The following PIK3C2G variants were observed in gnomAD, a reference collection of about 807,000 sequenced individuals.
The protein encoded by PIK3C2G is phosphatidylinositol-4-phosphate 3-kinase catalytic subunit type 2 gamma.
PIK3C2G carries 168 observed loss-of-function variants against 181.1 expected under a neutral mutation model. The observed-to-expected ratio is 0.93, with a 90% CI of 0.82 to 1.05. PIK3C2G has a LOEUF of 1.05. PIK3C2G is among the 50% of genes least tolerant of loss of function. The pLI is 0.00. For synonymous variants in PIK3C2G, 573 were observed against 592.2 expected, an observed-to-expected ratio of 0.97 and a Z score of 0.47; for missense variants, 1,869 against 1,732.8, an observed-to-expected ratio of 1.08 and a Z score of -1.40.
rs566851225 is a variant in PIK3C2G, at chr12:18,281,400, A to C, written c.-78-604A>C. The stretch of plus-strand genomic sequence containing the variant: ...TGGTGAACGGTATCAAATCCTGTGA[A>C]GAGATAAATTCAAAAAGGATGGAAA... On this transcript the variant is annotated intron_variant, in intron 1 of 32. Coordinates refer to ENST00000538779, the MANE Select transcript of PIK3C2G (RefSeq NM_001288772.2). 2.0e-5 allele frequency among the ~76,000 whole-genome samples: 3 copies of C among 151,992 alleles called. No homozygotes were observed. In the South Asian group the frequency reaches 6.2e-4, roughly 31 times the overall value.
chr12:18,253,778 T>G, intron 1 of PIK3C2G, among the ~76,000 whole-genome samples: 1 of 152,176 alleles, frequency 6.6e-6, no homozygotes, highest in South Asian at 2.1e-4. Context: ...TATATTCTAA[T>G]TATCTGGCCA....
chr12:18,372,088 T>C (rs1302696442), intron 13 of PIK3C2G, among the ~76,000 whole-genome samples: 2 of 152,176 alleles, frequency 1.3e-5, no homozygotes, highest in Admixed American at 1.3e-4. Context: ...TTTTAATTTA[T>C]TAATTTTTAT....
At chr12:18,624,508 G>A (rs532984841) in intron 31 of PIK3C2G, among the ~76,000 whole-genome samples, 50 of 151,528 alleles carry the variant, frequency 3.3e-4, no homozygotes, top group African/African-American at 1.2e-3. Flanking sequence ...CTTTTCTTGT[G>A]ATTTTCTTCT....
intron 1 of PIK3C2G, among the ~76,000 whole-genome samples, chr12:18,276,928 A>C (rs1257050142): frequency 6.6e-6 from 1 of 152,178 alleles, no homozygotes; most frequent in Non-Finnish European, 1.5e-5. Context: ...GGGAAGTGAA[A>C]CTTCTATAAG....
chr12:18,266,041 A>AC (rs1475855607), intron 1 of PIK3C2G, among the ~76,000 whole-genome samples: 45 of 137,640 alleles, frequency 3.3e-4, no homozygotes, highest in Non-Finnish European at 5.7e-4. Context: ...AAAAAAAAAA[A>AC]CACTACGCAA....
the PIK3C2G span, among the ~76,000 whole-genome samples, chr12:18,654,873 G>T: frequency 6.6e-6 from 1 of 152,072 alleles, no homozygotes; most frequent in African/African-American, 2.4e-5. Flanking sequence ...AGAGTGGAAA[G>T]TTGGAAAAAC....
At chr12:18,420,078 C>T (rs11044096) in intron 16 of PIK3C2G, among the ~76,000 whole-genome samples, 34,758 of 151,906 alleles carry the variant, frequency 0.23, 4,190 homozygotes, top group Admixed American at 0.34. Flanking sequence ...AGTTCCTTCA[C>T]GTTTTAAATT....
At chr12:18,692,333 A>G in the PIK3C2G span, among the ~76,000 whole-genome samples, 1 of 152,198 alleles carries the variant, frequency 6.6e-6, no homozygotes, top group Admixed American at 6.5e-5. Flanking sequence ...TATAGCCTAA[A>G]ATAGAACTGC....
At chr12:18,576,737 A>C (rs7956781) in intron 29 of PIK3C2G, among the ~76,000 whole-genome samples, 2,766 of 152,322 alleles carry the variant, frequency 0.018, 71 homozygotes, top group African/African-American at 0.063. Flanking sequence ...AACTTAATTC[A>C]TCACATTGGG....
intron 24 of PIK3C2G, among the ~76,000 whole-genome samples, chr12:18,530,354 T>C (rs1943483360): frequency 1.3e-5 from 2 of 152,156 alleles, no homozygotes; most frequent in South Asian, 4.1e-4. Context: ...CAATAATTCA[T>C]TTTTCTTGAA....
intron 18 of PIK3C2G, among the ~76,000 whole-genome samples, chr12:18,460,732 C>A (rs570774881): frequency 6.7e-6 from 1 of 150,140 alleles, no homozygotes; most frequent in Non-Finnish European, 1.5e-5. Context: ...AATTAGAAAA[C>A]GCAGATTAGC....
intron 16 of PIK3C2G, among the ~76,000 whole-genome samples, chr12:18,418,331 G>A (rs1293880991): frequency 2.0e-5 from 3 of 152,000 alleles, no homozygotes; most frequent in East Asian, 3.9e-4. Flanking sequence ...ACTAAGGGAG[G>A]GTTTTCCAGC....
intron 12 of PIK3C2G, among the ~76,000 whole-genome samples, chr12:18,368,363 G>C (rs1236473293): frequency 6.6e-6 from 1 of 152,172 alleles, no homozygotes; most frequent in Non-Finnish European, 1.5e-5. Context: ...GGAAAAGTAA[G>C]ACTTAGAAAG....
intron 2 of PIK3C2G, chr12:18,285,214 G>A (rs1949391514): frequency 6.6e-6 from 1 of 151,992 alleles, no homozygotes; most frequent in Non-Finnish European, 1.5e-5. Context: ...ACAATAGAAT[G>A]ACATTTTTAA....
chr12:18,405,043 C>A (rs1411308886), intron 16 of PIK3C2G, among the ~76,000 whole-genome samples: 3 of 152,096 alleles, frequency 2.0e-5, no homozygotes, highest in Non-Finnish European at 4.4e-5. Flanking sequence ...ATAAGGAAGA[C>A]TTTAAGCTTT....
upstream of PIK3C2G, among the ~76,000 whole-genome samples, chr12:18,243,561 T>C (rs570378018): frequency 8.3e-4 from 126 of 152,078 alleles, no homozygotes; most frequent in Admixed American, 3.1e-3. Context: ...AATTATCAAG[T>C]GCAGTTGAAA....
intron 13 of PIK3C2G, among the ~76,000 whole-genome samples, chr12:18,373,685 T>TA (rs1263517759): frequency 1.3e-5 from 2 of 151,782 alleles, no homozygotes; most frequent in African/African-American, 4.8e-5. Flanking sequence ...CCGTATCTAC[T>TA]AAAAAAATAC....
chr12:18,510,724 GTTA>G (rs748836856), intron 24 of PIK3C2G, among the ~76,000 whole-genome samples: 2 of 152,068 alleles, frequency 1.3e-5, no homozygotes, highest in African/African-American at 2.4e-5. Flanking sequence ...TTTTGAAAAA[GTTA>G]TTATTTATGT....
chr12:18,545,675 T>G (rs1944386241), intron 25 of PIK3C2G, among the ~76,000 whole-genome samples: 1 of 151,900 alleles, frequency 6.6e-6, no homozygotes, highest in Non-Finnish European at 1.5e-5. Context: ...CCTTAATTAT[T>G]TATTGCCTTA....
Sources: allele counts gnomAD v4.1 joint callset (sites outside exome capture counted in the v4.1 genomes callset), GRCh38; gene constraint gnomAD v4.1.1; transcripts MANE v1.5; gene names NCBI Gene and HGNC (gene_info 2026-07-23, HGNC 2026-07-21).